TOGARAM2: variants seen among roughly 807,000 people sequenced by gnomAD.
TOGARAM2 encodes the protein TOG array regulator of axonemal microtubules protein 2.
A neutral mutation model predicts 93.3 loss-of-function variants in TOGARAM2; 85 were observed. The ratio of observed to expected loss-of-function variants is 0.91; its 90% confidence interval spans 0.76 to 1.09. TOGARAM2 has a LOEUF of 1.09. Among genes scored for constraint, TOGARAM2 ranks in the 50% least tolerant of loss-of-function variants. The pLI is 0.00. For missense variants in TOGARAM2, 1,277 were observed against 1,334.5 expected (o/e 0.96, Z 0.67); for synonymous variants, 593 against 552.8 (o/e 1.07, Z -1.02).
At chr2:29,023,404 A>T (rs1159824156) in intron 12 of TOGARAM2, among the ~76,000 whole-genome samples, 1 of 152,198 alleles carries the variant, frequency 6.6e-6, no homozygotes. Context: ...TTGAGAATGG[A>T]AACAATTAGA....
chr2:29,041,425 G>A (rs1030110164), intron 18 of TOGARAM2, among the ~76,000 whole-genome samples: 3 of 152,220 alleles, frequency 2.0e-5, no homozygotes, highest in African/African-American at 7.2e-5. Context: ...AACATCCCTA[G>A]TGCTGGTAGC....
intron 18 of TOGARAM2, among the ~76,000 whole-genome samples, chr2:29,037,727 A>G (rs748308052): frequency 5.9e-5 from 9 of 152,084 alleles, no homozygotes; most frequent in Non-Finnish European, 1.2e-4. Context: ...GTTCATAAAT[A>G]TTGTCAATTT....
chr2:28,968,580 G>C (rs185391489), intron 1 of TOGARAM2, among the ~76,000 whole-genome samples: 9 of 152,222 alleles, frequency 5.9e-5, no homozygotes, highest in Admixed American at 3.9e-4. Flanking sequence ...GCCAAGGTGG[G>C]TGGATTGCAT....
At chr2:28,967,798 C>CTTTTTTTT (rs11417570) in intron 1 of TOGARAM2, among the ~76,000 whole-genome samples, 3 of 78,538 alleles carry the variant, frequency 3.8e-5, no homozygotes, top group East Asian at 4.8e-4. Context: ...ATAAGATGGT[C>CTTTTTTTT]TTTTTTTTTT....
At chr2:29,024,023 T>G in intron 12 of TOGARAM2, 116 bp from the exon 13 acceptor site, 1 of 842,826 alleles carries the variant, frequency 1.2e-6, no homozygotes, top group South Asian at 1.8e-5. Context: ...TGGCAAGGCC[T>G]AGGTCAGGGG....
At chr2:29,024,993 G>C in intron 13 of TOGARAM2, among the ~76,000 whole-genome samples, 1 of 152,144 alleles carries the variant, frequency 6.6e-6, no homozygotes, top group East Asian at 1.9e-4. Context: ...CACACTAAAA[G>C]CAAAACCAAA....
chr2:28,983,647 C>T (rs1006365191), intron 1 of TOGARAM2, among the ~76,000 whole-genome samples: 1 of 152,118 alleles, frequency 6.6e-6, no homozygotes, highest in Non-Finnish European at 1.5e-5. Flanking sequence ...ATCACCTGTG[C>T]AAGACTTTCT....
intron 6 of TOGARAM2, among the ~76,000 whole-genome samples, chr2:29,011,047 G>A (rs1056797013): frequency 2.0e-5 from 3 of 152,190 alleles, no homozygotes; most frequent in Non-Finnish European, 2.9e-5. Flanking sequence ...GGTTGGGGCA[G>A]CTTGGAGAAC....
chr2:29,005,619 A>ATG, intron 6 of TOGARAM2, among the ~76,000 whole-genome samples: 1 of 19,944 alleles, frequency 5.0e-5, no homozygotes, highest in African/African-American at 9.6e-5. Context: ...ATGTGAGTGC[A>ATG]TGTGTGGAGT....
intron 1 of TOGARAM2, among the ~76,000 whole-genome samples, chr2:28,973,593 G>T (rs1461200752): frequency 6.6e-6 from 1 of 151,516 alleles, no homozygotes; most frequent in Non-Finnish European, 1.5e-5. Flanking sequence ...TGTGATCATG[G>T]CTCATTGTAG....
At chr2:29,029,475 G>A (rs1665617429) in intron 14 of TOGARAM2, among the ~76,000 whole-genome samples, 3 of 152,206 alleles carry the variant, frequency 2.0e-5, no homozygotes, top group African/African-American at 7.2e-5. Flanking sequence ...TGACATAATG[G>A]GCCGGGTGCG....
chr2:29,003,399 C>G, intron 5 of TOGARAM2, 93 bp from the exon 6 acceptor site: 1 of 1,090,632 alleles, frequency 9.2e-7, no homozygotes, highest in Non-Finnish European at 1.2e-6. Context: ...TGAAAAGAGA[C>G]AGCAGGTCCC....
At chr2:28,990,991 G>GGGGT (rs1172157732) in intron 1 of TOGARAM2, among the ~76,000 whole-genome samples, 6 of 119,812 alleles carry the variant, frequency 5.0e-5, no homozygotes, top group Non-Finnish European at 8.3e-5. Flanking sequence ...GTGTGTGAAG[G>GGGGT]GTGTGTGTGT....
intron 1 of TOGARAM2, among the ~76,000 whole-genome samples, chr2:28,958,302 T>G (rs1276661237): frequency 6.6e-6 from 1 of 151,992 alleles, no homozygotes; most frequent in African/African-American, 2.4e-5. Context: ...GACCTTGTTT[T>G]TTTTTTTTTT....
chr2:29,016,390 G>A (rs563361232), intron 8 of TOGARAM2, among the ~76,000 whole-genome samples: 20 of 152,138 alleles, frequency 1.3e-4, no homozygotes, highest in Non-Finnish European at 2.6e-4. Context: ...TGCAGCAGCT[G>A]GCATGAGCCT....
intron 11 of TOGARAM2, among the ~76,000 whole-genome samples, chr2:29,022,584 G>T (rs1263620407): frequency 1.3e-5 from 2 of 152,216 alleles, no homozygotes; most frequent in East Asian, 3.8e-4. Flanking sequence ...GCCAGGCATG[G>T]CAAGGATGCA....
In TOGARAM2 at chr2:29,033,495, C is replaced by T. The variant is rs761837091; in HGVS notation, c.2157C>T (p.Pro719=). Reference sequence around the variant, plus strand: ...GAATAGAAGATAATGATGAACTTCCCTCTGCCAAAGGCCGCAAGGTGTTGA... The same window carrying T: ...GAATAGAAGATAATGATGAACTTCCTTCTGCCAAAGGCCGCAAGGTGTTGA... ...QQGIEDNDEL[P]SAKGRKVLRS... is the part of the protein sequence containing the mutation. The change falls in exon 16 of 20, where the codon CCC becomes CCT. Residue 719 remains proline, a synonymous_variant. Coordinates refer to ENST00000379558, the MANE Select transcript of TOGARAM2 (RefSeq NM_199280.4). The T allele has an allele frequency of 1.9e-6, 3 of 1,613,698 alleles. No homozygotes were observed. In the East Asian group the frequency reaches 6.7e-5, roughly 36 times the overall value.
chr2:28,983,177 AAT>A (rs1553334840), intron 1 of TOGARAM2, among the ~76,000 whole-genome samples: 331 of 32,390 alleles, frequency 0.01, 3 homozygotes, highest in Non-Finnish European at 0.011. Context: ...TGTATATATA[AAT>A]ATATATATAT....
intron 6 of TOGARAM2, among the ~76,000 whole-genome samples, chr2:29,005,358 GTA>G (rs918678445): frequency 1.7e-5 from 2 of 120,592 alleles, no homozygotes; most frequent in African/African-American, 5.8e-5. Context: ...TGTGTGGAGC[GTA>G]TGTGTGAGAA....
Sources: gnomAD v4.1 joint callset for allele counts (sites outside exome capture counted in the v4.1 genomes callset) on GRCh38, gnomAD v4.1.1 for gene constraint, MANE v1.5 for transcripts, NCBI Gene and HGNC (gene_info 2026-07-23, HGNC 2026-07-21) for gene names.